The following EYA1 variants were observed in gnomAD, a reference collection of about 807,000 sequenced individuals.
EYA1 encodes protein phosphatase EYA1.
EYA1 carries 16 observed loss-of-function variants against 82.0 expected under a neutral mutation model. The observed-to-expected ratio is 0.20, with a 90% CI of 0.13 to 0.30. The LOEUF (loss-of-function observed/expected upper bound fraction) is 0.30, where lower values mean the gene tolerates loss of function less well. EYA1 is among the 10% of genes least tolerant of loss of function. The pLI, the probability that EYA1 is intolerant of heterozygous loss-of-function variation, is 1.00. For synonymous variants in EYA1, 261 were observed against 264.4 expected (o/e 0.99, Z 0.12); for missense variants, 633 against 730.7 (o/e 0.87, Z 1.54).
At chr8:71,540,977 G>T (rs909714350) in intron 1 of EYA1, among the ~76,000 whole-genome samples, 2 of 152,142 alleles carry the variant, frequency 1.3e-5, no homozygotes, top group Non-Finnish European at 2.9e-5. Context: ...ACAGAAGCCT[G>T]CAGTGAAATG....
rs1251694092 is a variant in EYA1, at chr8:71,216,862, T to C, written c.1200-10A>G. The C allele has an allele frequency of 6.2e-7, 1 of 1,614,116 alleles. No individual in the cohort carries two copies. On this transcript the variant is annotated splice_polypyrimidine_tract_variant and intron_variant, in intron 13 of 17. Coordinates refer to ENST00000340726, the MANE Select transcript of EYA1 (RefSeq NM_000503.6). ...TCCAAAGTTATATGTGCTATTTATA[T>C]GCAAGAAAAGCCCAAAGTTAGCCGA... is the stretch of plus-strand genomic sequence containing the variant.
Position 71,198,166 on chromosome 8 carries a change from CATTTT to C in EYA1, c.*1169_*1173del, listed in dbSNP as rs200553501. 7 of 152,628 alleles carry C rather than the reference CATTTT, an allele frequency of 4.6e-5. No homozygotes were observed. In the East Asian group the frequency reaches 1.3e-3, roughly 29 times the overall value. The allele number at this position is 152,628 out of a possible 1,614,324, so 9.5% of individuals were successfully genotyped here. ...CTTTGTTAGTCTCCGATTCATGAAC[CATTTT>C]ATTAATAAAATATATCTACTATCAT... is the stretch of plus-strand genomic sequence containing the variant. On this transcript the variant is annotated 3_prime_UTR_variant, in exon 18 of 18. Transcript: ENST00000340726.
intron 6 of EYA1, among the ~76,000 whole-genome samples, chr8:71,319,676 C>T (rs1434463973): frequency 6.6e-6 from 1 of 152,144 alleles, no homozygotes; most frequent in Non-Finnish European, 1.5e-5. Flanking sequence ...ATACACCAAC[C>T]TTTTCTTACA....
chr8:71,544,976 A>T (rs933301504), intron 1 of EYA1, among the ~76,000 whole-genome samples: 1 of 152,200 alleles, frequency 6.6e-6, no homozygotes, highest in African/African-American at 2.4e-5. Flanking sequence ...TAATATGCCA[A>T]CCTAAAAATC....
At chr8:71,231,032 C>T (rs1158293296) in intron 12 of EYA1, among the ~76,000 whole-genome samples, 1 of 152,202 alleles carries the variant, frequency 6.6e-6, no homozygotes, top group African/African-American at 2.4e-5. Flanking sequence ...TCAGCATCTT[C>T]CTTCCAGAGC....
At chr8:71,346,923 T>A (rs1351656248) in intron 3 of EYA1, among the ~76,000 whole-genome samples, 3 of 152,242 alleles carry the variant, frequency 2.0e-5, no homozygotes, top group South Asian at 2.1e-4. Flanking sequence ...CAATTTTTTT[T>A]ATTTGGCTTT....
intron 7 of EYA1, among the ~76,000 whole-genome samples, chr8:71,306,808 T>C (rs541425274): frequency 7.9e-5 from 12 of 152,336 alleles, no homozygotes; most frequent in East Asian, 5.8e-4. Context: ...TAGCAGGTAA[T>C]TGACCTCTCC....
intron 2 of EYA1, among the ~76,000 whole-genome samples, chr8:71,495,752 C>G (rs1204179482): frequency 6.6e-6 from 1 of 151,980 alleles, no homozygotes; most frequent in Non-Finnish European, 1.5e-5. Context: ...CTAGGAAGTC[C>G]ACCTCTCCTC....
At chr8:71,419,547 G>A (rs2129147941) in intron 2 of EYA1, among the ~76,000 whole-genome samples, 1 of 152,214 alleles carries the variant, frequency 6.6e-6, no homozygotes, top group Non-Finnish European at 1.5e-5. Flanking sequence ...GTGGGGAATT[G>A]GGATGGAAAG....
At chr8:71,332,270 G>T (rs1170828838) in intron 4 of EYA1, among the ~76,000 whole-genome samples, 1 of 152,094 alleles carries the variant, frequency 6.6e-6, no homozygotes, top group East Asian at 1.9e-4. Context: ...TTAACTCCCT[G>T]TATACCTTCA....
At chr8:71,273,598 C>T (rs1816799662) in intron 9 of EYA1, among the ~76,000 whole-genome samples, 2 of 152,158 alleles carry the variant, frequency 1.3e-5, no homozygotes, top group Admixed American at 1.3e-4. Context: ...CTTGGCCTTC[C>T]TTTTTAAAAA....
rs995837598 is a variant in EYA1, at chr8:71,474,636, A to C, written c.33+61108T>G. Among the ~76,000 whole-genome samples, 11 of 152,182 alleles carry C rather than the reference A, an allele frequency of 7.2e-5. No individual in the cohort carries two copies. The South Asian group carries it at 8.3e-4, about 11-fold the overall frequency. On this transcript the variant is annotated intron_variant, in intron 2 of 18. Coordinates refer to the EYA1 transcript ENST00000643681. ...AAAATTGTGAAAATTATAATCTACT[A>C]TACTCTAGAATATATAAAATAATTT...
intron 8 of EYA1, among the ~76,000 whole-genome samples, 183 bp downstream of exon 8, chr8:71,299,455 G>A (rs1052414785): frequency 6.6e-6 from 1 of 152,030 alleles, no homozygotes; most frequent in Non-Finnish European, 1.5e-5. Context: ...GCAATACTAG[G>A]TAAAATTAAA....
chr8:71,493,798 C>T (rs938655474), intron 2 of EYA1, among the ~76,000 whole-genome samples: 5 of 150,362 alleles, frequency 3.3e-5, no homozygotes, highest in African/African-American at 7.3e-5. Flanking sequence ...CCGAGGCGGG[C>T]GGATCACGAG....
At chr8:71,247,333 G>C (rs1353785755) in intron 11 of EYA1, among the ~76,000 whole-genome samples, 1 of 152,150 alleles carries the variant, frequency 6.6e-6, no homozygotes, top group Non-Finnish European at 1.5e-5. Flanking sequence ...TCTCCTGCCT[G>C]TGCCTTTTCT....
At chr8:71,213,122 T>C (rs1349225390) in intron 16 of EYA1, among the ~76,000 whole-genome samples, 9 of 152,124 alleles carry the variant, frequency 5.9e-5, no homozygotes, top group Non-Finnish European at 1.3e-4. Flanking sequence ...ATATACCTTA[T>C]TTGATGGTGA....
chr8:71,423,486 T>C (rs1168973476), intron 2 of EYA1, among the ~76,000 whole-genome samples: 2 of 152,200 alleles, frequency 1.3e-5, no homozygotes, highest in Non-Finnish European at 2.9e-5. Context: ...ATAGTCAAAT[T>C]GTTTTTATTT....
At chr8:71,395,423 T>G (rs1260097350) in intron 2 of EYA1, among the ~76,000 whole-genome samples, 1 of 152,192 alleles carries the variant, frequency 6.6e-6, no homozygotes, top group African/African-American at 2.4e-5. Flanking sequence ...ATATTGGCTG[T>G]GGGTTTGTCA....
chr8:71,320,413 T>G (rs922498137), intron 6 of EYA1, among the ~76,000 whole-genome samples: 1 of 152,186 alleles, frequency 6.6e-6, no homozygotes, highest in Non-Finnish European at 1.5e-5. Context: ...TGCCTTGACT[T>G]CTATTATAGA....
Sources: allele counts gnomAD v4.1 joint callset (sites outside exome capture counted in the v4.1 genomes callset), GRCh38; gene constraint gnomAD v4.1.1; transcripts MANE v1.5; gene names NCBI Gene and HGNC (gene_info 2026-07-23, HGNC 2026-07-21).